Variants in HMGCLL1 observed in about 807,000 individuals in gnomAD.
HMGCLL1 encodes 3-hydroxy-3-methylglutaryl-CoA lyase like 1.
A neutral mutation model predicts 39.1 loss-of-function variants in HMGCLL1; 36 were observed. The observed-to-expected ratio is 0.92, with a 90% CI of 0.71 to 1.22. The LOEUF (loss-of-function observed/expected upper bound fraction) is 1.22. HMGCLL1 is among the 50% of genes most tolerant of loss of function. The pLI, the probability that HMGCLL1 is intolerant of heterozygous loss-of-function variation, is 0.00. For synonymous variants in HMGCLL1, 149 were observed against 144.0 expected (o/e 1.03, Z -0.25); for missense variants, 451 against 416.5 (o/e 1.08, Z -0.72).
the HMGCLL1 span, among the ~76,000 whole-genome samples, chr6:55,635,787 GT>G: frequency 6.6e-6 from 1 of 152,136 alleles, no homozygotes; most frequent in Non-Finnish European, 1.5e-5. Flanking sequence ...AAAATTCATT[GT>G]TCCAGCCCTA....
In HMGCLL1 at chr6:55,579,176, G is replaced by C. The variant is rs1475980266; in HGVS notation, c.-121C>G. The C allele has an allele frequency of 4.0e-6, 3 of 756,374 alleles. No homozygotes were observed. The African/African-American group carries it at 5.1e-5, about 13-fold the overall frequency. 46.9% of individuals were successfully genotyped at this position (756,374 alleles called of 1,614,324 possible). A position where few individuals can be genotyped will look rare whatever the true frequency, so the allele number is the denominator to read the frequency against. ...GCCCCTCCGGTGCACTGGCTGTGAG[G>C]ACCAGAGCTGTTCTGCGCACTGCGG... On this transcript the variant is annotated 5_prime_UTR_variant, in exon 1 of 9. Coordinates refer to ENST00000274901, the MANE Select transcript of HMGCLL1 (RefSeq NM_001042406.2).
intron 7 of HMGCLL1, among the ~76,000 whole-genome samples, chr6:55,460,529 TG>T (rs1764512949): frequency 6.6e-6 from 1 of 152,038 alleles, no homozygotes; most frequent in African/African-American, 2.4e-5. Flanking sequence ...GAAATCTTCA[TG>T]TTTTTCAAGA....
chr6:55,505,786 C>T (rs147912933), intron 5 of HMGCLL1, among the ~76,000 whole-genome samples: 4 of 151,744 alleles, frequency 2.6e-5, no homozygotes, highest in African/African-American at 4.8e-5. Context: ...AATTTATCTG[C>T]GTAGTTCCTG....
chr6:55,514,566 C>T (rs1767637338), intron 4 of HMGCLL1, among the ~76,000 whole-genome samples: 2 of 152,130 alleles, frequency 1.3e-5, no homozygotes, highest in Admixed American at 1.3e-4. Flanking sequence ...TATTTCCAAA[C>T]CAATTATTAA....
At chr6:55,481,172 G>A (rs1167376456) in intron 7 of HMGCLL1, among the ~76,000 whole-genome samples, 1 of 152,028 alleles carries the variant, frequency 6.6e-6, no homozygotes, top group Non-Finnish European at 1.5e-5. Context: ...CTTGAGCCCA[G>A]AAATTCAAGA....
rs554563105 is a variant in HMGCLL1, at chr6:55,553,655, A to T, written c.109-11515T>A. Among the ~76,000 whole-genome samples the T allele has an allele frequency of 1.2e-4, 18 of 152,324 alleles. 1 individual carries two copies. The South Asian group carries it at 3.7e-3, about 32-fold the overall frequency. On this transcript the variant is annotated intron_variant, in intron 1 of 8. Transcript: ENST00000274901. ...GAATGTGTATATAAAGCATTAGCAC[A>T]TTGATGAGTTAATACTTCATCAATG...
chr6:55,469,785 C>T (rs1764967465), intron 7 of HMGCLL1, among the ~76,000 whole-genome samples: 1 of 151,686 alleles, frequency 6.6e-6, no homozygotes, highest in African/African-American at 2.4e-5. Context: ...CATCTTTTGG[C>T]ACATTTGGGA....
chr6:55,499,235 C>G lies in HMGCLL1; in HGVS notation c.606+1G>C, dbSNP rs781640301. On this transcript the variant is annotated splice_donor_variant, in intron 6 of 8. Transcript: ENST00000274901. LOFTEE classifies it high-confidence loss of function. ...CCAAAAAAGCTGAAGATGTAGCTTA[C>G]TTCTGTCACTTTTTGCGGTGTAATA... The G allele has an allele frequency of 3.4e-5, 55 of 1,607,870 alleles. No individual in the cohort carries two copies. Among genetic ancestry groups the G allele is most frequent in the Non-Finnish European group, 4.6e-5 (54 of 1,177,032 alleles).
chr6:55,464,622 G>A (rs976146264), intron 7 of HMGCLL1, among the ~76,000 whole-genome samples: 4 of 151,992 alleles, frequency 2.6e-5, no homozygotes, highest in African/African-American at 9.7e-5. Context: ...ACCTACAGAG[G>A]CTCCCAAAAT....
chr6:55,570,879 A>G (rs556147899), intron 1 of HMGCLL1, among the ~76,000 whole-genome samples: 43 of 152,334 alleles, frequency 2.8e-4, no homozygotes, highest in Admixed American at 8.5e-4. Flanking sequence ...CCACATGGCT[A>G]GGGAGGCCTC....
chr6:55,494,578 C>T (rs894158234), intron 7 of HMGCLL1, among the ~76,000 whole-genome samples: 1 of 152,146 alleles, frequency 6.6e-6, no homozygotes, highest in African/African-American at 2.4e-5. Flanking sequence ...CCTTGTGGAA[C>T]TTGATCTTCC....
intron 1 of HMGCLL1, among the ~76,000 whole-genome samples, chr6:55,567,215 G>C (rs1477002411): frequency 4.6e-5 from 7 of 151,708 alleles, no homozygotes; most frequent in Non-Finnish European, 1.0e-4. Context: ...AGAGGTGAAG[G>C]ATACAAAAGA....
At chr6:55,625,460 A>T in the HMGCLL1 span, among the ~76,000 whole-genome samples, 1 of 152,046 alleles carries the variant, frequency 6.6e-6, no homozygotes, top group Non-Finnish European at 1.5e-5. Context: ...CCTCATGGGG[A>T]GTTCCTTATG....
chr6:55,677,276 C>T, the HMGCLL1 span, among the ~76,000 whole-genome samples: 1 of 152,084 alleles, frequency 6.6e-6, no homozygotes, highest in African/African-American at 2.4e-5. Flanking sequence ...TGTGGTCCCA[C>T]TACTCGGGAA....
the HMGCLL1 span, among the ~76,000 whole-genome samples, chr6:55,634,337 G>T: frequency 6.6e-6 from 1 of 151,978 alleles, no homozygotes. Context: ...AATAAGAAAT[G>T]AACAGGAAAG....
chr6:55,635,575 C>CA, the HMGCLL1 span, among the ~76,000 whole-genome samples: 3 of 152,248 alleles, frequency 2.0e-5, no homozygotes, highest in Non-Finnish European at 4.4e-5. Context: ...GTCCAAGGTG[C>CA]AAGCTAGTCA....
intron 3 of HMGCLL1, among the ~76,000 whole-genome samples, chr6:55,532,015 C>A (rs1014207394): frequency 2.0e-5 from 3 of 152,032 alleles, no homozygotes; most frequent in Admixed American, 1.3e-4. Flanking sequence ...CTGGAAACTA[C>A]CTCCCACCTC....
At chr6:55,627,094 G>T in the HMGCLL1 span, among the ~76,000 whole-genome samples, 2 of 148,802 alleles carry the variant, frequency 1.3e-5, no homozygotes, top group African/African-American at 4.9e-5. Context: ...TGAGGTGCTT[G>T]CTGAAGGCAA....
At chr6:55,464,585 A>G (rs1764717159) in intron 7 of HMGCLL1, among the ~76,000 whole-genome samples, 1 of 143,858 alleles carries the variant, frequency 7.0e-6, no homozygotes, top group Non-Finnish European at 1.5e-5. Flanking sequence ...ACTCAAGATT[A>G]ATGATTAAAC....
Sources: gnomAD v4.1 joint callset for allele counts (sites outside exome capture counted in the v4.1 genomes callset) on GRCh38, gnomAD v4.1.1 for gene constraint, MANE v1.5 for transcripts, NCBI Gene and HGNC (gene_info 2026-07-23, HGNC 2026-07-21) for gene names.